Variants in ARPP21 observed in about 807,000 individuals in gnomAD.
ARPP21 encodes cAMP regulated phosphoprotein 21.
A neutral mutation model predicts 113.2 loss-of-function variants in ARPP21; 69 were observed. That is an observed-to-expected ratio of 0.61 (90% CI 0.50 to 0.74). The LOEUF (loss-of-function observed/expected upper bound fraction) is 0.74. Among genes scored for constraint, ARPP21 ranks in the 30% least tolerant of loss-of-function variants. ARPP21 has a pLI of 0.00. For synonymous variants in ARPP21, 368 were observed against 375.5 expected (o/e 0.98, Z 0.23); for missense variants, 1,070 against 1,037.4 (o/e 1.03, Z -0.43).
At chr3:35,783,306 T>A (rs532514651) in intron 19 of ARPP21, among the ~76,000 whole-genome samples, 2 of 152,162 alleles carry the variant, frequency 1.3e-5, no homozygotes, top group Non-Finnish European at 2.9e-5. Context: ...AACCCCAGAC[T>A]TTTTGCTCAT....
At chr3:35,750,253 T>C (rs2151055680) in intron 19 of ARPP21, among the ~76,000 whole-genome samples, 1 of 152,156 alleles carries the variant, frequency 6.6e-6, no homozygotes, top group East Asian at 1.9e-4. Context: ...CCACAGATTT[T>C]GATATGCTGT....
intron 9 of ARPP21, among the ~76,000 whole-genome samples, chr3:35,706,753 C>T (rs1490168462): frequency 2.0e-5 from 3 of 152,124 alleles, no homozygotes; most frequent in African/African-American, 7.2e-5. Context: ...CCATGATGAG[C>T]AGCATGTAGC....
In ARPP21 at chr3:35,743,910, G is replaced by C; in HGVS notation, c.2082G>C (p.Pro694=). 2 of 1,614,066 alleles carry C rather than the reference G, an allele frequency of 1.2e-6. No individual in the cohort carries two copies. The highest frequency in any genetic ancestry group is 1.7e-6 in the Non-Finnish European group (2 of 1,179,916). Residue 694 remains proline, a synonymous_variant, in exon 19 of 21, where the codon CCG becomes CCC. Transcript: ENST00000684406. ...CGCAACAGTACCGGCCCATGGCCCCGGTTCAGTACAACGCTCAGAGGAGTC... is the reference window on the plus strand; with the variant it reads ...CGCAACAGTACCGGCCCATGGCCCCCGTTCAGTACAACGCTCAGAGGAGTC... ...STTQQYRPMA[P]VQYNAQRSQQ...
At chr3:35,762,492 T>C (rs929526919) in intron 19 of ARPP21, among the ~76,000 whole-genome samples, 16 of 152,084 alleles carry the variant, frequency 1.1e-4, no homozygotes, top group Middle Eastern at 3.2e-3. Flanking sequence ...TTTCAGGTCC[T>C]CATATATTTT....
chr3:35,717,846 CTTAAA>C (rs528122313), intron 13 of ARPP21, among the ~76,000 whole-genome samples: 7 of 152,096 alleles, frequency 4.6e-5, no homozygotes, highest in Non-Finnish European at 8.8e-5. Context: ...AAATGAAATA[CTTAAA>C]TTAAAATCTG....
chr3:35,729,591 T>A (rs771643684), intron 15 of ARPP21, 55 bp downstream of exon 15: 6 of 1,442,808 alleles, frequency 4.2e-6, no homozygotes, highest in Non-Finnish European at 4.9e-6. Flanking sequence ...TTTGTTCTTA[T>A]GTTTGATCTT....
intron 1 of ARPP21, among the ~76,000 whole-genome samples, chr3:35,676,473 T>A (rs1200701788): frequency 6.6e-6 from 1 of 152,050 alleles, no homozygotes; most frequent in Non-Finnish European, 1.5e-5. Context: ...CCAGAAAATT[T>A]ATTTTCTTAA....
rs1355702657 is a variant in ARPP21 at position 35,683,790 on chromosome 3, CAGG to C, written c.240_242del (p.Gly81del). The stretch of plus-strand genomic sequence containing the variant: ...GTCTGTGAGGAATCTTCTGCCAGAC[CAGG>C]AGGTGAAAGTCTTCAGGATCAGGTA... On this transcript the variant is annotated inframe_deletion, in exon 5 of 21. Coordinates refer to ENST00000684406, the MANE Select transcript of ARPP21 (RefSeq NM_001385562.1). 1 of 1,545,910 alleles carries C rather than the reference CAGG, an allele frequency of 6.5e-7. No individual in the cohort carries two copies. Among genetic ancestry groups the C allele is most frequent in the Admixed American group, 1.7e-5 (1 of 59,648 alleles).
chr3:35,771,192 A>G lies in ARPP21; in HGVS notation c.2138-21190A>G, dbSNP rs563277088. 2.0e-5 allele frequency among the ~76,000 whole-genome samples: 3 copies of G among 152,262 alleles called. No homozygotes were observed. In the East Asian group the frequency reaches 5.8e-4, roughly 29 times the overall value. On this transcript the variant is annotated intron_variant, in intron 19 of 20. Transcript: ENST00000684406. ...GCCAGCATGGGAAGTCAGAGTGTTG[A>G]TGGTCACAGTTCTTTGCAGGCTGGC...
chr3:35,711,372 C>T (rs1004266670), intron 11 of ARPP21, among the ~76,000 whole-genome samples: 6 of 152,126 alleles, frequency 3.9e-5, no homozygotes, highest in Non-Finnish European at 5.9e-5. Flanking sequence ...TTACAAGTTT[C>T]CATAACCGTT....
At chr3:35,768,525 T>A (rs1251445640) in intron 19 of ARPP21, among the ~76,000 whole-genome samples, 1 of 152,210 alleles carries the variant, frequency 6.6e-6, no homozygotes, top group Admixed American at 6.5e-5. Context: ...TGATTTATGA[T>A]AGCATCACTA....
chr3:35,713,161 T>A (rs1315497923), intron 11 of ARPP21, among the ~76,000 whole-genome samples: 1 of 152,196 alleles, frequency 6.6e-6, no homozygotes, highest in South Asian at 2.1e-4. Flanking sequence ...CGAGAATGCA[T>A]ATAAGTGACA....
At chr3:35,765,606 G>A (rs2095941417) in intron 19 of ARPP21, among the ~76,000 whole-genome samples, 1 of 152,102 alleles carries the variant, frequency 6.6e-6, no homozygotes, top group African/African-American at 2.4e-5. Flanking sequence ...GAGGTGACAT[G>A]TAAATGTAAA....
intron 1 of ARPP21, among the ~76,000 whole-genome samples, chr3:35,647,358 G>A (rs1700627080): frequency 6.6e-6 from 1 of 152,086 alleles, no homozygotes; most frequent in East Asian, 1.9e-4. Context: ...GATATAATGT[G>A]GGAAGCTGTA....
chr3:35,708,206 T>C (rs2089909811), intron 10 of ARPP21, among the ~76,000 whole-genome samples: 1 of 152,122 alleles, frequency 6.6e-6, no homozygotes, highest in Admixed American at 6.6e-5. Flanking sequence ...ATGAATGTGG[T>C]TAGTGCAGAG....
chr3:35,648,322 G>C (rs1301099555), intron 1 of ARPP21, among the ~76,000 whole-genome samples: 1 of 152,144 alleles, frequency 6.6e-6, no homozygotes, highest in African/African-American at 2.4e-5. Flanking sequence ...CCATTTAAAT[G>C]GGGTGAATAA....
At chr3:35,654,673 C>T (rs763229768) in intron 1 of ARPP21, among the ~76,000 whole-genome samples, 5 of 152,028 alleles carry the variant, frequency 3.3e-5, no homozygotes, top group Admixed American at 1.3e-4. Flanking sequence ...CAGAGGGTGA[C>T]GGTTGCTTTT....
At chr3:35,686,966 TAAATC>T (rs1322512407) in intron 5 of ARPP21, among the ~76,000 whole-genome samples, 9 of 151,394 alleles carry the variant, frequency 5.9e-5, no homozygotes, top group Non-Finnish European at 1.5e-5. Flanking sequence ...TGGCCAATCT[TAAATC>T]AAACATCATT....
At chr3:35,660,195 C>A (rs1018040061) in intron 1 of ARPP21, among the ~76,000 whole-genome samples, 24 of 152,118 alleles carry the variant, frequency 1.6e-4, no homozygotes, top group African/African-American at 5.8e-4. Context: ...ACTGAAAAAT[C>A]TTTTAAATAT....
Sources: allele counts gnomAD v4.1 joint callset (sites outside exome capture counted in the v4.1 genomes callset), GRCh38; gene constraint gnomAD v4.1.1; transcripts MANE v1.5; gene names NCBI Gene and HGNC (gene_info 2026-07-23, HGNC 2026-07-21).